GPR83: variants seen among roughly 807,000 people sequenced by gnomAD.
The protein encoded by GPR83 is G-protein coupled receptor 72.
A neutral mutation model predicts 28.0 loss-of-function variants in GPR83; 23 were observed. The observed-to-expected ratio is 0.82, with a 90% CI of 0.59 to 1.16. The LOEUF is 1.16. Among genes scored for constraint, GPR83 ranks in the 50% most tolerant of loss-of-function variants. The pLI is 0.00. For synonymous variants in GPR83, 234 were observed against 215.4 expected (o/e 1.09, Z -0.76); for missense variants, 610 against 536.6 (o/e 1.14, Z -1.35).
intron 3 of GPR83, among the ~76,000 whole-genome samples, chr11:94,382,343 C>CAAAAAAAAAA (rs57302833): frequency 1.5e-5 from 1 of 67,302 alleles, no homozygotes; most frequent in African/African-American, 6.3e-5. Context: ...AACACCATCT[C>CAAAAAAAAAA]AAAAAAAAAA....
chr11:94,389,739 A>G (rs1312926852), intron 3 of GPR83, among the ~76,000 whole-genome samples: 1 of 152,228 alleles, frequency 6.6e-6, no homozygotes, highest in Non-Finnish European at 1.5e-5. Context: ...AAACTAGTTC[A>G]ACCACTGTGG....
Position 94,379,836 on chromosome 11 carries a change from A to G in GPR83, c.*313T>C, listed in dbSNP as rs143512123. On this transcript the variant is annotated 3_prime_UTR_variant, in exon 4 of 4. Coordinates refer to ENST00000243673, the MANE Select transcript of GPR83 (RefSeq NM_016540.4). ...CTGTAAGGCAGCAGCTGCCCCACAG[A>G]TGGAGGCAGTTGAATGATTCAGCCC... is the stretch of plus-strand genomic sequence containing the variant. 471 of 214,568 alleles carry G rather than the reference A, an allele frequency of 2.2e-3. 3 individuals carry two copies. The highest frequency in any genetic ancestry group is 0.01 in the African/African-American group (442 of 43,926). 13.3% of individuals were successfully genotyped at this position (214,568 alleles called of 1,614,324 possible). A position where few individuals can be genotyped will look rare whatever the true frequency, so the allele number is the denominator to read the frequency against.
intron 1 of GPR83, among the ~76,000 whole-genome samples, chr11:94,397,092 T>A (rs755217712): frequency 2.0e-5 from 3 of 152,142 alleles, no homozygotes; most frequent in Non-Finnish European, 4.4e-5. Flanking sequence ...CAACATAGCA[T>A]GTGGGCTGTG....
chr11:94,385,427 G>C (rs903576190), intron 3 of GPR83, among the ~76,000 whole-genome samples: 1 of 152,110 alleles, frequency 6.6e-6, no homozygotes, highest in Non-Finnish European at 1.5e-5. Flanking sequence ...TCGAACCCAC[G>C]GCAAAGAAGT....
rs1944675614 is a variant in GPR83, at chr11:94,380,514, G to A, written c.907C>T (p.Leu303Phe). The A allele has an allele frequency of 6.2e-7, 1 of 1,614,216 alleles. No individual in the cohort carries two copies. Among genetic ancestry groups the A allele is most frequent in the Non-Finnish European group, 8.5e-7 (1 of 1,180,034 alleles). The part of the protein sequence containing the change: ...MLMLVVVLFA[L>F]CWFPLNCYVL... ...TAGCAGTTGAGGGGGAACCAGCAGA[G>A]GGCAAAGAGGACTACCACCAGCATC... is the stretch of plus-strand genomic sequence containing the variant. The change falls in exon 4 of 4, where the codon CTC becomes TTC. Residue 303 changes from leucine (L) to phenylalanine (F), a missense_variant. Leu to Phe is a conservative substitution (Grantham distance 22). Coordinates refer to ENST00000243673, the MANE Select transcript of GPR83 (RefSeq NM_016540.4).
intron 3 of GPR83, among the ~76,000 whole-genome samples, chr11:94,392,369 T>C (rs538066711): frequency 6.6e-6 from 1 of 152,166 alleles, no homozygotes; most frequent in South Asian, 2.1e-4. Flanking sequence ...AAATACCTAA[T>C]GTAGGTGACG....
chr11:94,396,323 CT>C, intron 2 of GPR83, 75 bp downstream of exon 2: 1 of 1,450,902 alleles, frequency 6.9e-7, no homozygotes, highest in Non-Finnish European at 9.6e-7. Context: ...AAAACACTGT[CT>C]TCAGAGCCCC....
intron 3 of GPR83, among the ~76,000 whole-genome samples, chr11:94,386,644 G>A (rs574693884): frequency 3.9e-5 from 6 of 152,274 alleles, no homozygotes; most frequent in African/African-American, 1.4e-4. Context: ...AAATATATAT[G>A]CACCCAATAC....
intron 3 of GPR83, among the ~76,000 whole-genome samples, chr11:94,382,343 CAAAAAA>C (rs57302833): frequency 5.9e-5 from 4 of 67,304 alleles, no homozygotes; most frequent in South Asian, 6.5e-4. Context: ...AACACCATCT[CAAAAAA>C]AAAAAAAAAA....
rs1423201100 is a variant in GPR83, at chr11:94,377,726, T to C, written c.*2423A>G. 1 of 152,244 alleles carries C rather than the reference T, an allele frequency of 6.6e-6. No individual in the cohort carries two copies. The highest frequency in any genetic ancestry group is 6.5e-5 in the Admixed American group (1 of 15,286). 9.4% of individuals were successfully genotyped at this position (152,244 alleles called of 1,614,324 possible). A position where few individuals can be genotyped will look rare whatever the true frequency, so the allele number is the denominator to read the frequency against. Reference sequence around the variant, plus strand: ...ATTAGAAGATAGGCTTTGTGTTAAATGATTTTTCCCAGCTGTAGGCTAATA... The same window carrying C: ...ATTAGAAGATAGGCTTTGTGTTAAACGATTTTTCCCAGCTGTAGGCTAATA... On this transcript the variant is annotated 3_prime_UTR_variant, in exon 4 of 4. Coordinates refer to ENST00000243673, the MANE Select transcript of GPR83 (RefSeq NM_016540.4).
At chr11:94,390,229 T>G (rs1246589768) in intron 3 of GPR83, among the ~76,000 whole-genome samples, 1 of 151,584 alleles carries the variant, frequency 6.6e-6, no homozygotes, top group Non-Finnish European at 1.5e-5. Context: ...AAATGATGAG[T>G]TAATGGGTGC....
At chr11:94,390,195 A>C (rs994545242) in intron 3 of GPR83, among the ~76,000 whole-genome samples, 2 of 152,130 alleles carry the variant, frequency 1.3e-5, no homozygotes, top group Non-Finnish European at 2.9e-5. Context: ...TGGGAGGAAC[A>C]GCATTAGGAG....
chr11:94,384,173 G>C (rs529802010), intron 3 of GPR83, among the ~76,000 whole-genome samples: 1 of 152,066 alleles, frequency 6.6e-6, no homozygotes, highest in Non-Finnish European at 1.5e-5. Flanking sequence ...ATGCAAGGCT[G>C]GTTCAACATA....
chr11:94,382,189 C>T (rs1944697670), intron 3 of GPR83, among the ~76,000 whole-genome samples: 1 of 151,962 alleles, frequency 6.6e-6, no homozygotes, highest in Admixed American at 6.6e-5. Context: ...CGTGTTTCTA[C>T]TAAAAATACA....
intron 3 of GPR83, among the ~76,000 whole-genome samples, chr11:94,385,396 C>T (rs577237993): frequency 6.6e-6 from 1 of 151,142 alleles, no homozygotes; most frequent in Non-Finnish European, 1.5e-5. Context: ...GATCAAACTT[C>T]TCCAAGCTAA....
intron 2 of GPR83, 52 bp downstream of exon 2, chr11:94,396,347 G>C: frequency 6.3e-7 from 1 of 1,585,840 alleles, no homozygotes; most frequent in Non-Finnish European, 8.6e-7. Context: ...CAACTTCCAG[G>C]AAAGGGAAGC....
chr11:94,386,921 T>A (rs1944762929), intron 3 of GPR83, among the ~76,000 whole-genome samples: 2 of 152,178 alleles, frequency 1.3e-5, no homozygotes, highest in African/African-American at 2.4e-5. Context: ...GACCACATAG[T>A]TGGAAGTAAA....
rs146548150 is a variant in GPR83, at chr11:94,382,309, C to T, written c.648-1536G>A. Among the ~76,000 whole-genome samples, 106 of 138,864 alleles carry T rather than the reference C, an allele frequency of 7.6e-4. 2 individuals carry two copies. The highest frequency in any genetic ancestry group is 2.8e-3 in the African/African-American group (104 of 36,620). 91.1% of individuals were successfully genotyped at this position (138,864 alleles called of 152,430 possible). On this transcript the variant is annotated intron_variant, in intron 3 of 3. Transcript: ENST00000243673. ...GGTGAGCTGAGATTGTGCCATTGCA[C>T]TCCAGCATGGGCAACAAGAGTGAAA...
In GPR83 at chr11:94,400,866, TGAA is replaced by T; in HGVS notation, c.379_381del (p.Phe127del). On this transcript the variant is annotated inframe_deletion, in exon 1 of 4. Coordinates refer to ENST00000243673, the MANE Select transcript of GPR83 (RefSeq NM_016540.4). The stretch of plus-strand genomic sequence containing the variant: ...GCAGGCAGCGGGCCCCTTACCAAAG[TGAA>T]GGGGGTGTTGAGCAGCGTGATCATT... The T allele has an allele frequency of 6.2e-7, 1 of 1,612,862 alleles. No homozygotes were observed.
Sources: gnomAD v4.1 joint callset for allele counts (sites outside exome capture counted in the v4.1 genomes callset) on GRCh38, gnomAD v4.1.1 for gene constraint, MANE v1.5 for transcripts, NCBI Gene and HGNC (gene_info 2026-07-23, HGNC 2026-07-21) for gene names.